Variants in FAAP100 observed in about 807,000 individuals in gnomAD.
FAAP100 encodes the protein FA core complex associated protein 100.
In FAAP100, 46 loss-of-function variants were observed where a neutral mutation model predicts 65.8. The ratio of observed to expected loss-of-function variants is 0.70; its 90% CI spans 0.55 to 0.89. The LOEUF (loss-of-function observed/expected upper bound fraction) is 0.89, where lower values mean the gene tolerates loss of function less well. Among genes scored for constraint, FAAP100 ranks in the 40% least tolerant of loss-of-function variants. The pLI, the probability that FAAP100 is intolerant of heterozygous loss-of-function variation, is 0.00. For missense variants in FAAP100, 1,165 were observed against 1,196.7 expected (o/e 0.97, Z 0.39); for synonymous variants, 663 against 555.1 (o/e 1.19, Z -2.73).
chr17:81,552,340 G>C lies in FAAP100; in HGVS notation c.-10C>G, dbSNP rs921204003. 2 of 1,366,104 alleles carry C rather than the reference G, an allele frequency of 1.5e-6. No individual in the cohort carries two copies. Among genetic ancestry groups the C allele is most frequent in the Non-Finnish European group, 1.9e-6 (2 of 1,069,882 alleles). 84.6% of individuals were successfully genotyped at this position (1,366,104 alleles called of 1,614,324 possible). The stretch of plus-strand genomic sequence containing the variant: ...GCGCGGCGCCGGCCATCGTGCGCGC[G>C]GGCCCGTCAGAGTGAGAAGCCCCGG... On this transcript the variant is annotated 5_prime_UTR_variant, in exon 1 of 9. Transcript: ENST00000327787.
chr17:81,546,969 C>A lies in FAAP100; in HGVS notation c.2113G>T (p.Val705Leu). ...TCCGCCGACACCTTGATGGAAGCCA[C>A]AGATGGGGGCAGGTACTCGGCCCGC... is the stretch of plus-strand genomic sequence containing the variant. ...SLRAEYLPPSVASIKVSAELL... is the reference protein window; with the variant it reads ...SLRAEYLPPSLASIKVSAELL... The change falls in exon 5 of 9, where the codon GTG becomes TTG. Residue 705 changes from valine (V) to leucine (L), a missense_variant. Coordinates refer to ENST00000327787, the MANE Select transcript of FAAP100 (RefSeq NM_025161.6). 1 of 1,476,074 alleles carries A rather than the reference C, an allele frequency of 6.8e-7. No individual in the cohort carries two copies. The highest frequency in any genetic ancestry group is 2.6e-5 in the Admixed American group (1 of 37,740). 91.4% of individuals were successfully genotyped at this position (1,476,074 alleles called of 1,614,324 possible).
At position 81,547,494 on chromosome 17, in the gene FAAP100, C is replaced by G. The variant is rs1385723979; in HGVS notation, c.1588G>C (p.Glu530Gln). The change falls in exon 5 of 9, where the codon GAG (glutamate) becomes CAG (glutamine). Residue 530 changes from glutamate (E) to glutamine (Q), a missense_variant. Physicochemically the swap from Glu to Gln is conservative, Grantham distance 29. Transcript: ENST00000327787. Reference sequence around the variant, plus strand: ...TCCAGGCTGAAGCTGCTGCTGTTCTCTAGCACGCAGGTGGCCATGAGCACA... The same window carrying G: ...TCCAGGCTGAAGCTGCTGCTGTTCTGTAGCACGCAGGTGGCCATGAGCACA... Reference protein sequence around the residue: ...QDVLMATCVLENSSSFSLDQG... With the variant: ...QDVLMATCVLQNSSSFSLDQG... 2 of 1,613,320 alleles carry G rather than the reference C, an allele frequency of 1.2e-6. No homozygotes were observed. The highest frequency in any genetic ancestry group is 2.2e-5 in the East Asian group (1 of 44,890).
chr17:81,540,952 T>C lies in FAAP100; in HGVS notation c.2515-2A>G. On this transcript the variant is annotated splice_acceptor_variant, in intron 8 of 8. Coordinates refer to ENST00000327787, the MANE Select transcript of FAAP100 (RefSeq NM_025161.6). LOFTEE classifies it high-confidence loss of function. Reference sequence around the variant, plus strand: ...GGTCTGCACCTCCCGCAGCAGTGTCTGCAGGTGAAGCAGACACAGCTCAGG... The same window carrying C: ...GGTCTGCACCTCCCGCAGCAGTGTCCGCAGGTGAAGCAGACACAGCTCAGG... 6.3e-7 allele frequency: 1 copy of C among 1,579,374 alleles called. No individual in the cohort carries two copies. Among genetic ancestry groups the C allele is most frequent in the Non-Finnish European group, 8.6e-7 (1 of 1,165,334 alleles).
intron 1 of FAAP100, 46 bp downstream of exon 1, chr17:81,552,120 C>T: frequency 8.8e-6 from 13 of 1,469,584 alleles, no homozygotes; most frequent in Non-Finnish European, 1.2e-5. Flanking sequence ...TCACGCGAAC[C>T]GCCGCCCCCG....
intron 6 of FAAP100, among the ~76,000 whole-genome samples, chr17:81,544,454 C>G (rs1206938344): frequency 6.6e-6 from 1 of 152,220 alleles, no homozygotes; most frequent in Admixed American, 6.5e-5. Flanking sequence ...TGTGACACAC[C>G]TTGTGGACAA....
rs750877164 is a variant in FAAP100, at chr17:81,550,255, C to T, written c.1239G>A (p.Thr413=). The T allele has an allele frequency of 1.7e-5, 27 of 1,597,612 alleles. No homozygotes were observed. Among genetic ancestry groups the T allele is most frequent in the South Asian group, 2.2e-5 (2 of 90,178 alleles). ...SVVSLSASPR[T]HEGGTKLLAL... The stretch of plus-strand genomic sequence containing the variant: ...TTAGACAGCAGCTCATACCTTCATG[C>T]GTCCTGGGAGACGCGGACAGCGAGA... Residue 413 remains threonine, a synonymous_variant, in exon 3 of 9, where the codon ACG becomes ACA. Transcript: ENST00000327787.
Position 81,546,952 on chromosome 17 carries a change from C to T in FAAP100, c.2130G>A (p.Val710=), listed in dbSNP as rs948883461. The T allele has an allele frequency of 4.1e-6, 6 of 1,462,918 alleles. No homozygotes were observed. The African/African-American group carries it at 7.1e-5, about 17-fold the overall frequency. The allele number at this position is 1,462,918 out of a possible 1,614,324, so 90.6% of individuals were successfully genotyped here. The change falls in exon 5 of 9, where the codon GTG becomes GTA. Residue 710 remains valine (V), a synonymous_variant. Coordinates refer to ENST00000327787, the MANE Select transcript of FAAP100 (RefSeq NM_025161.6). The part of the protein sequence containing the change: ...YLPPSVASIK[V]SAELLRAALK... Reference sequence around the variant, plus strand: ...AGGCAGCTCTGAGCAGCTCCGCCGACACCTTGATGGAAGCCACAGATGGGG... The same window carrying T: ...AGGCAGCTCTGAGCAGCTCCGCCGATACCTTGATGGAAGCCACAGATGGGG...
In FAAP100 at chr17:81,550,846, C is replaced by T. The variant is rs748847648; in HGVS notation, c.648G>A (p.Gly216=). 7.4e-6 allele frequency: 12 copies of T among 1,611,924 alleles called. No individual in the cohort carries two copies. The Admixed American group carries it at 2.0e-4, about 27-fold the overall frequency. ...AGAGGGCGTCCTCCAGCGTGAAGCC[C>T]CCGGAGCCCCCGAGGAGGTCGTGCG... The part of the protein sequence containing the change: ...RVPHDLLGGS[G]GFTLEDALFG... The change falls in exon 3 of 9, where the codon GGG becomes GGA. Residue 216 remains glycine (G), a synonymous_variant. Transcript: ENST00000327787.
chr17:81,550,928 G>C lies in FAAP100; in HGVS notation c.566C>G (p.Ala189Gly). 1.2e-6 allele frequency: 2 copies of C among 1,612,340 alleles called. No individual in the cohort carries two copies. Among genetic ancestry groups the C allele is most frequent in the Non-Finnish European group, 1.7e-6 (2 of 1,179,754 alleles). Residue 189 changes from alanine to glycine, a missense_variant, in exon 3 of 9, where the codon GCA (alanine) becomes GGA (glycine). Coordinates refer to ENST00000327787, the MANE Select transcript of FAAP100 (RefSeq NM_025161.6). ...CAGCACTGGAAGGAAGTGGGGGGCT[G>C]CAGGCTTTCCTGGGACCCCGGCTGG... ...TPPAGVPGKP[A>G]APHFLPVLCS...
rs749758871 is a variant in FAAP100 at position 81,550,587 on chromosome 17, G to A, written c.907C>T (p.Pro303Ser). The A allele has an allele frequency of 1.2e-6, 2 of 1,612,926 alleles. No homozygotes were observed. The highest frequency in any genetic ancestry group is 4.5e-5 in the East Asian group (2 of 44,882). The change falls in exon 3 of 9, where the codon CCT becomes TCT. Residue 303 changes from proline (P) to serine (S), a missense_variant. Coordinates refer to ENST00000327787, the MANE Select transcript of FAAP100 (RefSeq NM_025161.6). ...QAAEAAENFL[P>S]DEDVHCDCLV... The stretch of plus-strand genomic sequence containing the variant: ...CAGTCACAGTGCACATCCTCGTCAG[G>A]CAGAAAATTCTCTGCAGCTTCTGCA...
At position 81,549,519 on chromosome 17, in the gene FAAP100, C is replaced by T. The variant is rs77048311; in HGVS notation, c.1247-157G>A. Among the ~76,000 whole-genome samples the T allele has an allele frequency of 6.1e-3, 927 of 152,354 alleles. 8 individuals carry two copies. Among genetic ancestry groups the T allele is most frequent in the African/African-American group, 0.017 (695 of 41,584 alleles). ...AAGTCCCAAGGCAAATGCACTGTCC[C>T]GACCCTGGGCTTCTGTCAGTGGCCC... On this transcript the variant is annotated intron_variant, in intron 3 of 8. Transcript: ENST00000327787.
At chr17:81,541,473 C>T in intron 7 of FAAP100, 78 bp from the exon 8 acceptor site, 1 of 1,270,672 alleles carries the variant, frequency 7.9e-7, no homozygotes, top group Non-Finnish European at 1.1e-6. Context: ...GGGTGACCCT[C>T]TCCCTCGAGC....
chr17:81,548,719 A>T (rs1156358983), intron 4 of FAAP100, among the ~76,000 whole-genome samples: 1 of 151,542 alleles, frequency 6.6e-6, no homozygotes, highest in Non-Finnish European at 1.5e-5. Context: ...AGCCTGGGCG[A>T]CAGAGTGAAA....
At chr17:81,544,541 G>T (rs1229080381) in intron 6 of FAAP100, among the ~76,000 whole-genome samples, 1 of 152,202 alleles carries the variant, frequency 6.6e-6, no homozygotes, top group Non-Finnish European at 1.5e-5. Context: ...ATCACCTCTG[G>T]CAGCAGGGTT....
At chr17:81,545,241 T>C (rs943123405) in intron 6 of FAAP100, among the ~76,000 whole-genome samples, 1 of 152,266 alleles carries the variant, frequency 6.6e-6, no homozygotes, top group Non-Finnish European at 1.5e-5. Context: ...ACACGTGTCC[T>C]GGCAGCCTGG....
chr17:81,551,896 G>A, intron 2 of FAAP100, 32 bp downstream of exon 2: 6 of 1,527,996 alleles, frequency 3.9e-6, no homozygotes, highest in Non-Finnish European at 4.4e-6. Context: ...CAGCAGGAGT[G>A]TGCGGGAGGG....
chr17:81,549,514 T>C (rs1052470629), intron 3 of FAAP100, 152 bp from the exon 4 acceptor site: 3 of 1,016,796 alleles, frequency 3.0e-6, no homozygotes, highest in Non-Finnish European at 4.2e-6. Context: ...GCAAATGCAC[T>C]GTCCCGACCC....
At chr17:81,541,092 A>C (rs1402871514) in intron 8 of FAAP100, 142 bp from the exon 9 acceptor site, 6 of 1,228,656 alleles carry the variant, frequency 4.9e-6, no homozygotes, top group South Asian at 1.5e-5. Context: ...CGGAACCTTA[A>C]AACATGGGAC....
At chr17:81,549,427 G>A (rs1179954185) in intron 3 of FAAP100, 65 bp from the exon 4 acceptor site, 39 of 1,541,330 alleles carry the variant, frequency 2.5e-5, no homozygotes, top group Non-Finnish European at 3.4e-5. Context: ...GACACTCGGT[G>A]GTGTTTCCCT....
Sources: allele counts gnomAD v4.1 joint callset (sites outside exome capture counted in the v4.1 genomes callset), GRCh38; gene constraint gnomAD v4.1.1; transcripts MANE v1.5; gene names NCBI Gene and HGNC (gene_info 2026-07-23, HGNC 2026-07-21).